Variants in EEIG2 observed in about 807,000 individuals in gnomAD.
EEIG2 encodes the protein family with sequence similarity 102 member B.
chr1:108,563,601 T>C, the EEIG2 span, among the ~76,000 whole-genome samples: 2 of 152,136 alleles, frequency 1.3e-5, no homozygotes, highest in Non-Finnish European at 2.9e-5. Context: ...TATATATAGG[T>C]CATATGTATT....
At chr1:108,570,264 C>T in the EEIG2 span, among the ~76,000 whole-genome samples, 1 of 152,048 alleles carries the variant, frequency 6.6e-6, no homozygotes, top group Admixed American at 6.6e-5. Flanking sequence ...GACACAGTGA[C>T]ATGAAGCAGC....
the EEIG2 span, among the ~76,000 whole-genome samples, chr1:108,613,789 G>A: frequency 1.3e-5 from 2 of 151,852 alleles, no homozygotes; most frequent in African/African-American, 4.8e-5. Context: ...TTCACCATCT[G>A]TGCAGACGAG....
At chr1:108,581,313 A>T in the EEIG2 span, among the ~76,000 whole-genome samples, 1 of 152,352 alleles carries the variant, frequency 6.6e-6, no homozygotes, top group African/African-American at 2.4e-5. Flanking sequence ...TATTGTTTTC[A>T]TGCCTGCTAA....
the EEIG2 span, among the ~76,000 whole-genome samples, chr1:108,566,978 T>C: frequency 6.6e-6 from 1 of 152,152 alleles, no homozygotes; most frequent in Non-Finnish European, 1.5e-5. Context: ...TGAAAATTGC[T>C]AAGAGAATAG....
At chr1:108,604,402 CAT>C in the EEIG2 span, among the ~76,000 whole-genome samples, 1 of 152,138 alleles carries the variant, frequency 6.6e-6, no homozygotes, top group Non-Finnish European at 1.5e-5. Flanking sequence ...AGAGTTAAAA[CAT>C]ATAAGTGGTC....
chr1:108,579,832 C>T, the EEIG2 span, among the ~76,000 whole-genome samples: 2,687 of 124,494 alleles, frequency 0.022, 71 homozygotes, highest in African/African-American at 0.068. Flanking sequence ...GGCTGCAGTG[C>T]GATGATGCAT....
At chr1:108,567,447 G>A in the EEIG2 span, among the ~76,000 whole-genome samples, 1 of 152,184 alleles carries the variant, frequency 6.6e-6, no homozygotes, top group Non-Finnish European at 1.5e-5. Flanking sequence ...AAGTTACTCA[G>A]CTAGTAAGTG....
chr1:108,585,225 G>A, the EEIG2 span, among the ~76,000 whole-genome samples: 3 of 152,068 alleles, frequency 2.0e-5, no homozygotes, highest in Non-Finnish European at 4.4e-5. Flanking sequence ...TTACCAACTG[G>A]TAGTAAGTCA....
At chr1:108,575,247 A>G in the EEIG2 span, among the ~76,000 whole-genome samples, 36 of 152,218 alleles carry the variant, frequency 2.4e-4, no homozygotes, top group Non-Finnish European at 4.6e-4. Flanking sequence ...AATGTCTGAC[A>G]TTCTATCATC....
At chr1:108,634,092 C>G in the EEIG2 span, among the ~76,000 whole-genome samples, 1 of 152,068 alleles carries the variant, frequency 6.6e-6, no homozygotes, top group African/African-American at 2.4e-5. Flanking sequence ...ATCCGGTTTT[C>G]TAATTATATA....
the EEIG2 span, chr1:108,629,744 T>C: frequency 1.0e-6 from 1 of 973,948 alleles, no homozygotes; most frequent in South Asian, 1.4e-5. Context: ...GCAAAGTTTG[T>C]ACTAGGCTGA....
the EEIG2 span, among the ~76,000 whole-genome samples, chr1:108,589,877 A>G: frequency 1.3e-5 from 2 of 148,240 alleles, no homozygotes; most frequent in Non-Finnish European, 3.0e-5. Flanking sequence ...TGCAGCCTCA[A>G]ACTCCCAGGC....
chr1:108,616,965 G>GCC, the EEIG2 span, among the ~76,000 whole-genome samples: 2 of 151,754 alleles, frequency 1.3e-5, no homozygotes, highest in Non-Finnish European at 2.9e-5. Context: ...GTCAGGGGAG[G>GCC]CCCCCCCCGG....
At chr1:108,594,537 T>C in the EEIG2 span, among the ~76,000 whole-genome samples, 63 of 152,334 alleles carry the variant, frequency 4.1e-4, no homozygotes, top group African/African-American at 1.4e-3. Context: ...TTAGTTCCTT[T>C]ATCTATAAAA....
At chr1:108,612,898 G>A in the EEIG2 span, among the ~76,000 whole-genome samples, 14 of 152,352 alleles carry the variant, frequency 9.2e-5, no homozygotes, top group African/African-American at 3.4e-4. Context: ...GTTACCCCAT[G>A]ATGGTAAGTT....
At chr1:108,614,433 T>G in the EEIG2 span, among the ~76,000 whole-genome samples, 1 of 152,164 alleles carries the variant, frequency 6.6e-6, no homozygotes, top group South Asian at 2.1e-4. Flanking sequence ...TTTCTCAATT[T>G]TAGATATTCT....
At chr1:108,586,254 A>G in the EEIG2 span, among the ~76,000 whole-genome samples, 1 of 151,954 alleles carries the variant, frequency 6.6e-6, no homozygotes, top group African/African-American at 2.4e-5. Flanking sequence ...GAAATGCATC[A>G]TAGGAAAAGC....
At chr1:108,609,488 C>T in the EEIG2 span, among the ~76,000 whole-genome samples, 1 of 152,046 alleles carries the variant, frequency 6.6e-6, no homozygotes, top group South Asian at 2.1e-4. Flanking sequence ...GGGAAGGCCC[C>T]TTTAGAGAGA....
the EEIG2 span, chr1:108,626,642 T>C: frequency 6.6e-6 from 1 of 152,264 alleles, no homozygotes; most frequent in African/African-American, 2.4e-5. Flanking sequence ...AAAATGTAGA[T>C]TTGATCATGT....
Sources: allele counts gnomAD v4.1 joint callset (sites outside exome capture counted in the v4.1 genomes callset), GRCh38; gene constraint gnomAD v4.1.1; transcripts MANE v1.5; gene names NCBI Gene and HGNC (gene_info 2026-07-23, HGNC 2026-07-21).